SPMAP2: variants seen among roughly 807,000 people sequenced by gnomAD.
SPMAP2 encodes the protein sperm microtubule associated protein 2.
chr19:375,690 T>C, the SPMAP2 span: 1 of 1,596,856 alleles, frequency 6.3e-7, no homozygotes. Flanking sequence ...CTCTTCCAAG[T>C]CCTTGTCCAG....
the SPMAP2 span, chr19:375,956 C>T: frequency 1.2e-5 from 17 of 1,440,596 alleles, no homozygotes; most frequent in African/African-American, 4.3e-5. Flanking sequence ...GTGACCTTCG[C>T]CTGCTGTCCC....
the SPMAP2 span, among the ~76,000 whole-genome samples, chr19:364,069 C>T: frequency 0.017 from 2,535 of 151,838 alleles, 82 homozygotes; most frequent in African/African-American, 0.058. Flanking sequence ...CGCGGTGGCT[C>T]ATGCCTGTAA....
chr19:373,883 G>A, the SPMAP2 span: 1 of 1,544,548 alleles, frequency 6.5e-7, no homozygotes. Context: ...GGGGTCCCCT[G>A]GAACCTGACA....
At chr19:363,382 G>A in the SPMAP2 span, among the ~76,000 whole-genome samples, 1 of 151,878 alleles carries the variant, frequency 6.6e-6, no homozygotes, top group African/African-American at 2.4e-5. Flanking sequence ...CAGCAGAGAC[G>A]GGGTTTCACC....
At chr19:362,410 C>G in the SPMAP2 span, 1 of 1,603,984 alleles carries the variant, frequency 6.2e-7, no homozygotes, top group Non-Finnish European at 8.5e-7. Context: ...CGCACTTGTC[C>G]GACTGAGCTT....
chr19:365,527 G>A, the SPMAP2 span, among the ~76,000 whole-genome samples: 2 of 68,082 alleles, frequency 2.9e-5, no homozygotes, highest in East Asian at 5.4e-4. Flanking sequence ...CCACCACACA[G>A]CAAGTGTGAG....
the SPMAP2 span, chr19:375,655 G>A: frequency 6.5e-5 from 101 of 1,545,196 alleles, no homozygotes; most frequent in Non-Finnish European, 8.5e-5. Flanking sequence ...CCGTTCCCCG[G>A]TGCCCACCTG....
chr19:371,928 T>C, the SPMAP2 span, among the ~76,000 whole-genome samples: 1 of 152,252 alleles, frequency 6.6e-6, no homozygotes, highest in Non-Finnish European at 1.5e-5. Context: ...GGCGGAAGTG[T>C]CCTGGCTACA....
At chr19:362,284 G>C in the SPMAP2 span, 7 of 1,602,728 alleles carry the variant, frequency 4.4e-6, no homozygotes, top group Non-Finnish European at 5.1e-6. Flanking sequence ...GACGCCTGTC[G>C]TATCCCTCGT....
At chr19:372,823 G>A in the SPMAP2 span, 1 of 905,430 alleles carries the variant, frequency 1.1e-6, no homozygotes, top group Non-Finnish European at 1.8e-6. Flanking sequence ...TGGAAGAACT[G>A]TGGGCAGAGA....
the SPMAP2 span, among the ~76,000 whole-genome samples, chr19:368,589 C>T: frequency 6.6e-6 from 1 of 152,158 alleles, no homozygotes; most frequent in African/African-American, 2.4e-5. The surrounding 1 kb of genome is among the most constrained non-coding windows in gnomAD (Gnocchi z 4.1). Context: ...ATTCTTGGAG[C>T]GTTACCTGAC....
the SPMAP2 span, among the ~76,000 whole-genome samples, chr19:364,202 T>C: frequency 2.0e-5 from 3 of 149,298 alleles, no homozygotes; most frequent in Non-Finnish European, 4.5e-5. Flanking sequence ...CCGGGCGTGG[T>C]GGCGGCTGCC....
chr19:373,631 G>T, the SPMAP2 span: 1 of 1,213,546 alleles, frequency 8.2e-7, no homozygotes, highest in Non-Finnish European at 1.2e-6. Context: ...GAGGTGGGGT[G>T]TGGAGTTGCT....
the SPMAP2 span, chr19:373,591 C>G: frequency 6.4e-7 from 1 of 1,558,822 alleles, no homozygotes; most frequent in Non-Finnish European, 8.8e-7. Context: ...TGCCCGGAAA[C>G]AAGCCTGGGT....
chr19:372,674 A>G, the SPMAP2 span: 1 of 1,613,924 alleles, frequency 6.2e-7, no homozygotes. Flanking sequence ...TTGGGCCGAG[A>G]CAGTTCCTCC....
At chr19:363,785 T>C in the SPMAP2 span, among the ~76,000 whole-genome samples, 2 of 151,934 alleles carry the variant, frequency 1.3e-5, no homozygotes, top group African/African-American at 4.8e-5. Context: ...CCTGCCCGCC[T>C]CGGCCTCCCA....
At chr19:364,112 T>C in the SPMAP2 span, among the ~76,000 whole-genome samples, 1 of 150,636 alleles carries the variant, frequency 6.6e-6, no homozygotes, top group Non-Finnish European at 1.5e-5. Flanking sequence ...GGCGGGCGGA[T>C]CACAAGGTCA....
chr19:362,540 G>C, the SPMAP2 span: 8 of 771,340 alleles, frequency 1.0e-5, no homozygotes, highest in South Asian at 1.7e-4. Flanking sequence ...GGCTGAGGCA[G>C]GTGGATCACC....
At chr19:375,006 C>A in the SPMAP2 span, among the ~76,000 whole-genome samples, 2 of 152,214 alleles carry the variant, frequency 1.3e-5, no homozygotes, top group African/African-American at 4.8e-5. Flanking sequence ...GGCAGGGCAG[C>A]CACTTTGTTC....
Sources: allele counts gnomAD v4.1 joint callset (sites outside exome capture counted in the v4.1 genomes callset), GRCh38; gene constraint gnomAD v4.1.1; non-coding constraint Gnocchi (gnomAD v3.1); transcripts MANE v1.5; gene names NCBI Gene and HGNC (gene_info 2026-07-23, HGNC 2026-07-21).